The following MDGA2 variants were observed in gnomAD, a reference collection of about 807,000 sequenced individuals.
MDGA2 encodes MAM domain-containing glycosylphosphatidylinositol anchor protein 2.
A neutral mutation model predicts 117.8 loss-of-function variants in MDGA2; 40 were observed. That is an observed-to-expected ratio of 0.34 (90% CI 0.26 to 0.44). MDGA2 has a LOEUF of 0.44. Ranked by LOEUF, MDGA2 falls within the 20% of genes least tolerant of loss-of-function variation. MDGA2 has a pLI of 1.00. For synonymous variants in MDGA2, 452 were observed against 439.0 expected (o/e 1.03, Z -0.37); for missense variants, 1,123 against 1,250.6 (o/e 0.90, Z 1.54).
intron 4 of MDGA2, among the ~76,000 whole-genome samples, chr14:47,140,975 A>G (rs1372056529): frequency 6.6e-6 from 1 of 152,094 alleles, no homozygotes; most frequent in Non-Finnish European, 1.5e-5. Flanking sequence ...TCATTTTAAA[A>G]TGGGCAAAAG....
chr14:47,482,165 C>T (rs1279832759), intron 1 of MDGA2, among the ~76,000 whole-genome samples: 1 of 151,826 alleles, frequency 6.6e-6, no homozygotes, highest in Admixed American at 6.6e-5. Flanking sequence ...GAAAAGAAAA[C>T]AAATAAGGAG....
intron 7 of MDGA2, among the ~76,000 whole-genome samples, chr14:47,045,347 A>G (rs1889218160): frequency 6.6e-6 from 1 of 152,158 alleles, no homozygotes; most frequent in Non-Finnish European, 1.5e-5. Flanking sequence ...TATTTTTTAG[A>G]ATAATTAAAA....
chr14:46,918,212 A>G (rs1255064402), intron 10 of MDGA2, among the ~76,000 whole-genome samples: 2 of 152,212 alleles, frequency 1.3e-5, no homozygotes, highest in Non-Finnish European at 1.5e-5. Context: ...ATAATTACCT[A>G]AAGAAAACAA....
intron 1 of MDGA2, among the ~76,000 whole-genome samples, chr14:47,624,313 C>T (rs1335462064): frequency 6.6e-6 from 1 of 152,096 alleles, no homozygotes; most frequent in Non-Finnish European, 1.5e-5. Context: ...CAAAAATTAG[C>T]CAGGCATGGT....
At chr14:46,842,440 A>G (rs1451380747) in intron 16 of MDGA2, among the ~76,000 whole-genome samples, 2 of 152,128 alleles carry the variant, frequency 1.3e-5, no homozygotes, top group Non-Finnish European at 2.9e-5. Flanking sequence ...TATCTTAATG[A>G]AAACTAGAAA....
At chr14:47,674,219 A>G (rs1566569713) in intron 1 of MDGA2, among the ~76,000 whole-genome samples, 1 of 152,090 alleles carries the variant, frequency 6.6e-6, no homozygotes, top group Non-Finnish European at 1.5e-5. Context: ...TAAATCAAAG[A>G]CTGCTGGAGC....
intron 11 of MDGA2, among the ~76,000 whole-genome samples, chr14:46,881,009 A>AACACACACACACAC (rs72117373): frequency 0.029 from 4,160 of 145,612 alleles, 96 homozygotes; most frequent in Non-Finnish European, 0.045. Flanking sequence ...AACTATCACT[A>AACACACACACACAC]ACACACACAC....
At chr14:47,284,303 T>C (rs1440069000) in intron 2 of MDGA2, among the ~76,000 whole-genome samples, 1 of 152,142 alleles carries the variant, frequency 6.6e-6, no homozygotes, top group Non-Finnish European at 1.5e-5. Flanking sequence ...GAGTGTAATG[T>C]GACTGAATGT....
intron 7 of MDGA2, among the ~76,000 whole-genome samples, chr14:47,047,033 A>G (rs919466735): frequency 6.6e-6 from 1 of 152,170 alleles, no homozygotes; most frequent in African/African-American, 2.4e-5. Context: ...CCTTCAATAG[A>G]CAAATATGCC....
intron 1 of MDGA2, among the ~76,000 whole-genome samples, chr14:47,534,919 A>G (rs1008173830): frequency 1.3e-5 from 2 of 152,236 alleles, no homozygotes; most frequent in Non-Finnish European, 2.9e-5. Flanking sequence ...GTTTGGACAC[A>G]GCTGAAGGAA....
At chr14:47,233,212 T>C (rs1202259109) in intron 2 of MDGA2, among the ~76,000 whole-genome samples, 1 of 152,138 alleles carries the variant, frequency 6.6e-6, no homozygotes, top group Non-Finnish European at 1.5e-5. Flanking sequence ...CATGAATACT[T>C]AGTTTCATCC....
At chr14:46,889,247 ATCT>A (rs1364462193) in intron 10 of MDGA2, among the ~76,000 whole-genome samples, 5 of 152,204 alleles carry the variant, frequency 3.3e-5, no homozygotes, top group East Asian at 1.9e-4. Flanking sequence ...TTTGAGTATC[ATCT>A]TCTTTACATT....
At chr14:47,209,273 G>A (rs2139473795) in intron 3 of MDGA2, among the ~76,000 whole-genome samples, 1 of 152,248 alleles carries the variant, frequency 6.6e-6, no homozygotes, top group East Asian at 1.9e-4. Flanking sequence ...TTCGAGTAGA[G>A]TGGTTTTCAT....
intron 10 of MDGA2, 41 bp downstream of exon 10, chr14:46,919,971 G>T: frequency 6.5e-7 from 1 of 1,527,766 alleles, no homozygotes; most frequent in Non-Finnish European, 8.7e-7. Context: ...GGTCTTCACA[G>T]AGGACCACAA....
chr14:46,927,269 T>C (rs954615120), intron 9 of MDGA2, among the ~76,000 whole-genome samples: 1 of 152,162 alleles, frequency 6.6e-6, no homozygotes, highest in Non-Finnish European at 1.5e-5. Flanking sequence ...CATTTATTTG[T>C]AGGGTATTTA....
chr14:47,349,935 GC>G (rs1301038143), intron 1 of MDGA2, among the ~76,000 whole-genome samples: 1 of 152,198 alleles, frequency 6.6e-6, no homozygotes, highest in East Asian at 1.9e-4. Flanking sequence ...AGATGAGAGG[GC>G]AAGAGCTATC....
intron 1 of MDGA2, among the ~76,000 whole-genome samples, chr14:47,336,765 G>T (rs1012370371): frequency 6.6e-6 from 1 of 151,788 alleles, no homozygotes; most frequent in Admixed American, 6.6e-5. Flanking sequence ...CTTTAATAGT[G>T]CTCAAAAGAA....
chr14:47,567,120 G>A (rs1190018074), intron 1 of MDGA2, among the ~76,000 whole-genome samples: 1 of 151,676 alleles, frequency 6.6e-6, no homozygotes, highest in Non-Finnish European at 1.5e-5. Flanking sequence ...TGCCCAGGTT[G>A]GAACTCATGG....
chr14:47,640,774 T>C lies in MDGA2; in HGVS notation c.280+33743A>G, dbSNP rs1029679725. ...ACGTCCCTCAATATTTCTGATGCTT[T>C]TACAAAGACTTAAACATAATTTCTT... is the stretch of plus-strand genomic sequence containing the variant. On this transcript the variant is annotated intron_variant, in intron 1 of 16. Coordinates refer to ENST00000399232, the MANE Select transcript of MDGA2 (RefSeq NM_001113498.3). 3.9e-5 allele frequency among the ~76,000 whole-genome samples: 6 copies of C among 152,118 alleles called. No homozygotes were observed. The East Asian group carries it at 1.2e-3, about 29-fold the overall frequency.
Sources: gnomAD v4.1 joint callset for allele counts (sites outside exome capture counted in the v4.1 genomes callset) on GRCh38, gnomAD v4.1.1 for gene constraint, MANE v1.5 for transcripts, NCBI Gene and HGNC (gene_info 2026-07-23, HGNC 2026-07-21) for gene names.